DEPTOR: variants seen among roughly 807,000 people sequenced by gnomAD.
DEPTOR encodes DEP domain containing MTOR interacting protein.
Under a neutral mutation model 41.6 loss-of-function variants are expected in DEPTOR, and 41 were observed. That is an observed-to-expected ratio of 0.98 (90% CI 0.77 to 1.28). The LOEUF (loss-of-function observed/expected upper bound fraction) is 1.28. Among genes scored for constraint, DEPTOR ranks in the 50% most tolerant of loss-of-function variants. The pLI is 0.00. For synonymous variants in DEPTOR, 195 were observed against 192.3 expected (o/e 1.01, Z -0.12); for missense variants, 514 against 527.9 (o/e 0.97, Z 0.26).
At chr8:120,007,283 A>C (rs1284862897) in intron 7 of DEPTOR, among the ~76,000 whole-genome samples, 2 of 152,218 alleles carry the variant, frequency 1.3e-5, no homozygotes, top group African/African-American at 2.4e-5. Flanking sequence ...TGATGCCAAT[A>C]ATCCCTTCTG....
At chr8:119,928,629 T>TCTTTAATAAC (rs1457216487) in intron 2 of DEPTOR, 51 bp downstream of exon 2, 1 of 1,585,070 alleles carries the variant, frequency 6.3e-7, no homozygotes, top group Admixed American at 1.8e-5. Flanking sequence ...AAGGACTAGA[T>TCTTTAATAAC]CTTTTCATGA....
intron 8 of DEPTOR, among the ~76,000 whole-genome samples, chr8:120,030,502 T>TTTTTTG (rs1554587098): frequency 5.4e-5 from 6 of 111,268 alleles, no homozygotes; most frequent in Non-Finnish European, 9.5e-5. Context: ...CATCAGTTTT[T>TTTTTTG]TTTTTTTTTT....
chr8:119,979,197 T>C (rs910843486), intron 4 of DEPTOR, among the ~76,000 whole-genome samples: 3 of 152,224 alleles, frequency 2.0e-5, no homozygotes, highest in African/African-American at 7.2e-5. Context: ...AGTTTTGATT[T>C]AGAGAGTAAT....
intron 8 of DEPTOR, among the ~76,000 whole-genome samples, chr8:120,019,538 T>C (rs4871031): frequency 0.81 from 123,818 of 152,078 alleles, 50,487 homozygotes; most frequent in African/African-American, 0.83. Context: ...CTTGGCTCCA[T>C]TCCTCACGCC....
At chr8:119,881,010 C>T (rs1035689979) in intron 1 of DEPTOR, among the ~76,000 whole-genome samples, 2 of 152,226 alleles carry the variant, frequency 1.3e-5, no homozygotes, top group Admixed American at 1.3e-4. Flanking sequence ...CTAAGGCTGA[C>T]TTCCCAAAAG....
chr8:120,030,123 A>T (rs1812862454), intron 8 of DEPTOR, among the ~76,000 whole-genome samples: 1 of 152,100 alleles, frequency 6.6e-6, no homozygotes, highest in Non-Finnish European at 1.5e-5. Flanking sequence ...CTGGGGGTGC[A>T]TGGGTGTCCC....
At chr8:119,912,502 G>T (rs1395217166) in intron 1 of DEPTOR, among the ~76,000 whole-genome samples, 2 of 152,186 alleles carry the variant, frequency 1.3e-5, no homozygotes, top group Non-Finnish European at 2.9e-5. Flanking sequence ...CTGCCTCCGC[G>T]ATAGCTGCGG....
At chr8:120,045,438 T>C (rs779931639) in intron 8 of DEPTOR, among the ~76,000 whole-genome samples, 5 of 152,350 alleles carry the variant, frequency 3.3e-5, no homozygotes, top group Non-Finnish European at 7.3e-5. Flanking sequence ...TGGCATGATC[T>C]TGGTTCACTG....
chr8:120,018,535 C>G (rs143349767), intron 8 of DEPTOR, among the ~76,000 whole-genome samples: 1 of 152,072 alleles, frequency 6.6e-6, no homozygotes, highest in Non-Finnish European at 1.5e-5. Flanking sequence ...ACCAAGATCA[C>G]GCCACTGCGC....
chr8:120,010,300 C>T (rs1445356737), intron 8 of DEPTOR, among the ~76,000 whole-genome samples: 1 of 149,146 alleles, frequency 6.7e-6, no homozygotes, highest in African/African-American at 2.5e-5. Flanking sequence ...ATAACTGTTA[C>T]ATATTTTTTA....
intron 3 of DEPTOR, among the ~76,000 whole-genome samples, chr8:119,942,498 G>C (rs1301913022): frequency 6.6e-6 from 1 of 152,224 alleles, no homozygotes; most frequent in East Asian, 1.9e-4. Context: ...GAGCCACCGC[G>C]TCCGGCCGTG....
chr8:120,011,580 C>T (rs1169365649), intron 8 of DEPTOR, among the ~76,000 whole-genome samples: 1 of 152,174 alleles, frequency 6.6e-6, no homozygotes, highest in Non-Finnish European at 1.5e-5. Flanking sequence ...TGTGCACTCA[C>T]TCGCATGATG....
At chr8:119,971,054 C>A (rs1828625890) in intron 4 of DEPTOR, among the ~76,000 whole-genome samples, 1 of 151,930 alleles carries the variant, frequency 6.6e-6, no homozygotes, top group Non-Finnish European at 1.5e-5. Flanking sequence ...CACGGTGAAA[C>A]CCCGTCTCTG....
intron 1 of DEPTOR, among the ~76,000 whole-genome samples, chr8:119,882,533 T>G (rs967919988): frequency 6.6e-6 from 1 of 151,942 alleles, no homozygotes; most frequent in Non-Finnish European, 1.5e-5. Flanking sequence ...TATCTGAGAC[T>G]CAAGTATCTG....
chr8:119,949,424 G>A (rs1479424779), intron 3 of DEPTOR, among the ~76,000 whole-genome samples: 1 of 152,144 alleles, frequency 6.6e-6, no homozygotes, highest in Non-Finnish European at 1.5e-5. Flanking sequence ...GTAACTCTGT[G>A]TTCAACGATT....
intron 4 of DEPTOR, among the ~76,000 whole-genome samples, chr8:120,000,200 G>A (rs1188514986): frequency 6.6e-6 from 1 of 152,014 alleles, no homozygotes; most frequent in Non-Finnish European, 1.5e-5. Flanking sequence ...GTGGTTCTTA[G>A]CATATTTACA....
intron 8 of DEPTOR, among the ~76,000 whole-genome samples, chr8:120,048,650 C>A (rs950507753): frequency 1.3e-5 from 2 of 152,094 alleles, no homozygotes; most frequent in East Asian, 1.9e-4. Context: ...TACTACTGCC[C>A]GCTTTCCATT....
intron 1 of DEPTOR, among the ~76,000 whole-genome samples, chr8:119,920,359 A>G (rs534886831): frequency 1.3e-5 from 2 of 152,316 alleles, no homozygotes; most frequent in East Asian, 3.9e-4. Context: ...AATGTCATCT[A>G]GTTGTAATAC....
chr8:119,957,492 C>A (rs1359335191), intron 3 of DEPTOR, among the ~76,000 whole-genome samples: 2 of 152,038 alleles, frequency 1.3e-5, no homozygotes, highest in Non-Finnish European at 2.9e-5. Context: ...ATTTTGTCCT[C>A]CAAGACAGCT....
Sources: allele counts gnomAD v4.1 joint callset (sites outside exome capture counted in the v4.1 genomes callset), GRCh38; gene constraint gnomAD v4.1.1; transcripts MANE v1.5; gene names NCBI Gene and HGNC (gene_info 2026-07-23, HGNC 2026-07-21).